Variants in RBM19 observed in about 807,000 individuals in gnomAD.
The protein encoded by RBM19 is probable RNA-binding protein 19.
RBM19 carries 94 observed loss-of-function variants against 116.8 expected under a neutral mutation model. That is an observed-to-expected ratio of 0.80 (90% CI 0.68 to 0.95). The LOEUF (loss-of-function observed/expected upper bound fraction) is 0.95. Among genes scored for constraint, RBM19 ranks in the 40% least tolerant of loss-of-function variants. The pLI is 0.00. For missense variants in RBM19, 1,161 were observed against 1,220.7 expected (o/e 0.95, Z 0.73); for synonymous variants, 475 against 494.1 (o/e 0.96, Z 0.51).
intron 21 of RBM19, among the ~76,000 whole-genome samples, chr12:113,899,791 G>C (rs897719278): frequency 6.6e-6 from 1 of 150,420 alleles, no homozygotes; most frequent in African/African-American, 2.4e-5. Flanking sequence ...CAAGCTGTCT[G>C]GGGCTCCCTG....
At chr12:113,832,184 ATTTC>A (rs1418389533) in intron 23 of RBM19, among the ~76,000 whole-genome samples, 2 of 147,348 alleles carry the variant, frequency 1.4e-5, no homozygotes, top group African/African-American at 5.0e-5. Flanking sequence ...AAAAGTTATC[ATTTC>A]TTTTTTCTTT....
intron 1 of RBM19, among the ~76,000 whole-genome samples, chr12:113,964,675 A>G (rs1193910701): frequency 6.6e-6 from 1 of 152,222 alleles, no homozygotes. Flanking sequence ...GGAGGAACAG[A>G]TGATCTAAAT....
intron 19 of RBM19, among the ~76,000 whole-genome samples, chr12:113,920,210 C>T (rs1018813059): frequency 6.6e-6 from 1 of 152,152 alleles, no homozygotes; most frequent in East Asian, 1.9e-4. Context: ...GAGGCCTTCC[C>T]TGACCACACA....
chr12:113,946,226 A>G, intron 12 of RBM19, 128 bp downstream of exon 12: 2 of 1,302,390 alleles, frequency 1.5e-6, no homozygotes, highest in Admixed American at 2.3e-5. Context: ...CAGATGAGAA[A>G]ACTGAAGCTC....
At chr12:113,911,364 C>G (rs1277684824) in intron 21 of RBM19, among the ~76,000 whole-genome samples, 3 of 152,132 alleles carry the variant, frequency 2.0e-5, no homozygotes, top group Non-Finnish European at 4.4e-5. Context: ...AGGATTACAG[C>G]CTTCCTTTAC....
intron 16 of RBM19, among the ~76,000 whole-genome samples, chr12:113,933,283 C>T (rs1869768782): frequency 6.7e-6 from 1 of 149,562 alleles, no homozygotes; most frequent in Non-Finnish European, 1.5e-5. Flanking sequence ...CCCCCCAGCC[C>T]TCGTTGTCCT....
At chr12:113,958,139 A>G (rs1872139670) in intron 5 of RBM19, 89 bp from the exon 6 acceptor site, 4 of 1,517,384 alleles carry the variant, frequency 2.6e-6, no homozygotes, top group South Asian at 2.6e-5. Context: ...TCCTAGTGAG[A>G]GGCCTGAGGC....
At chr12:113,890,850 C>T (rs1242108647) in intron 21 of RBM19, among the ~76,000 whole-genome samples, 1 of 152,182 alleles carries the variant, frequency 6.6e-6, no homozygotes, top group East Asian at 1.9e-4. Flanking sequence ...AGCAGTGGCG[C>T]GATCACAGCT....
In RBM19 at chr12:113,957,653, G is replaced by A. The variant is rs537663926; in HGVS notation, c.840+129C>T. ...GCGAGCAAGCGGCAGGGCCAAGATC[G>A]GGAAGGCTTTGGACTGCAGAGCTGC... On this transcript the variant is annotated intron_variant, in intron 6 of 23. Transcript: ENST00000261741. 11 of 1,317,360 alleles carry A rather than the reference G, an allele frequency of 8.4e-6. No individual in the cohort carries two copies. In the East Asian group the frequency reaches 2.3e-4, roughly 27 times the overall value. The allele number at this position is 1,317,360 out of a possible 1,614,324, so 81.6% of individuals were successfully genotyped here.
intron 22 of RBM19, among the ~76,000 whole-genome samples, chr12:113,849,011 G>A (rs1323494536): frequency 6.6e-6 from 1 of 152,208 alleles, no homozygotes; most frequent in Admixed American, 6.5e-5. Context: ...GGGAAACTGA[G>A]GCACTGGCCA....
At chr12:113,902,175 A>C (rs1881741431) in intron 21 of RBM19, among the ~76,000 whole-genome samples, 1 of 152,198 alleles carries the variant, frequency 6.6e-6, no homozygotes, top group African/African-American at 2.4e-5. Context: ...ATGAAATCTT[A>C]TGAGTAGTTA....
intron 18 of RBM19, among the ~76,000 whole-genome samples, chr12:113,922,596 C>G (rs1165602721): frequency 6.6e-6 from 1 of 151,954 alleles, no homozygotes. Flanking sequence ...TGACCCCCAT[C>G]CTGGACTTCA....
intron 21 of RBM19, among the ~76,000 whole-genome samples, chr12:113,889,359 C>T (rs963639422): frequency 2.6e-5 from 4 of 152,184 alleles, no homozygotes; most frequent in African/African-American, 9.7e-5. Context: ...AACCCACAGG[C>T]AAGGAGAACC....
At position 113,825,411 on chromosome 12, in the gene RBM19, A is replaced by G. The variant is rs1346730730; in HGVS notation, c.2786-2090T>C. ...TCTCCTTCCTTGTGACCTCCTAGACACTCTTGGTTTCCTTATAATCGCCAG... is the reference window on the plus strand; with the variant it reads ...TCTCCTTCCTTGTGACCTCCTAGACGCTCTTGGTTTCCTTATAATCGCCAG... On this transcript the variant is annotated intron_variant, in intron 23 of 23. Transcript: ENST00000261741. The surrounding 1 kb of genome is among the most constrained non-coding windows in gnomAD (Gnocchi z 5.7). Among the ~76,000 whole-genome samples the G allele has an allele frequency of 6.6e-6, 1 of 151,774 alleles. No homozygotes were observed. The highest frequency in any genetic ancestry group is 1.5e-5 in the Non-Finnish European group (1 of 67,952).
chr12:113,872,460 G>C (rs1362164708), intron 21 of RBM19, among the ~76,000 whole-genome samples: 1 of 139,046 alleles, frequency 7.2e-6, no homozygotes, highest in African/African-American at 2.6e-5. Context: ...CTGCTCGGCC[G>C]CCCCTACTGG....
At chr12:113,915,155 CT>C in intron 20 of RBM19, 70 bp from the exon 21 acceptor site, 1 of 1,206,692 alleles carries the variant, frequency 8.3e-7, no homozygotes, top group South Asian at 1.2e-5. Context: ...ATTGACTCCA[CT>C]ACGCCTCCAT....
At chr12:113,904,579 T>G (rs1203243684) in intron 21 of RBM19, among the ~76,000 whole-genome samples, 1 of 152,108 alleles carries the variant, frequency 6.6e-6, no homozygotes, top group African/African-American at 2.4e-5. Context: ...GGTGCCTTGC[T>G]CACATAGGCA....
intron 23 of RBM19, among the ~76,000 whole-genome samples, chr12:113,841,903 G>A (rs1408849892): frequency 1.3e-5 from 2 of 152,196 alleles, no homozygotes; most frequent in African/African-American, 4.8e-5. Context: ...ATGCCGGTGT[G>A]AGGATGGCCC....
At chr12:113,901,988 G>A (rs748266590) in intron 21 of RBM19, among the ~76,000 whole-genome samples, 2 of 152,138 alleles carry the variant, frequency 1.3e-5, no homozygotes, top group Non-Finnish European at 2.9e-5. Context: ...AGATCTATAT[G>A]CAGTTGTAAG....
Sources: gnomAD v4.1 joint callset for allele counts (sites outside exome capture counted in the v4.1 genomes callset) on GRCh38, gnomAD v4.1.1 for gene constraint, Gnocchi (gnomAD v3.1) non-coding constraint, MANE v1.5 for transcripts, NCBI Gene and HGNC (gene_info 2026-07-23, HGNC 2026-07-21) for gene names.